Variants in GTF3C5 observed in about 807,000 individuals in gnomAD.
The protein encoded by GTF3C5 is general transcription factor IIIC subunit 5.
A neutral mutation model predicts 61.0 loss-of-function variants in GTF3C5; 47 were observed. The observed-to-expected ratio is 0.77, with a 90% CI of 0.61 to 0.98. The LOEUF (loss-of-function observed/expected upper bound fraction) is 0.98. GTF3C5 is among the 50% of genes least tolerant of loss of function. The probability of loss-of-function intolerance (pLI) is 0.00; values close to 1 mark genes in which losing one functional copy is unlikely to be tolerated. For missense variants in GTF3C5, 659 were observed against 703.3 expected (o/e 0.94, Z 0.71); for synonymous variants, 295 against 275.4 (o/e 1.07, Z -0.71).
At chr9:133,039,496 T>C (rs1849975071) in intron 1 of GTF3C5, among the ~76,000 whole-genome samples, 1 of 152,142 alleles carries the variant, frequency 6.6e-6, no homozygotes, top group Non-Finnish European at 1.5e-5. Flanking sequence ...CTCAACCTCC[T>C]AGGCTCGGGT....
In GTF3C5 at chr9:133,056,766, G is replaced by A; in HGVS notation, c.1251G>A (p.Glu417=). The A allele has an allele frequency of 6.3e-7, 1 of 1,599,244 alleles. No homozygotes were observed. The highest frequency in any genetic ancestry group is 1.1e-5 in the South Asian group (1 of 89,078). The change falls in exon 10 of 11, where the codon GAG becomes GAA. Residue 417 remains glutamate, a splice_region_variant and synonymous_variant. Transcript: ENST00000372097. Reference sequence around the variant, plus strand: ...GTCCCAACCCTCTCCCCACCCCCAGGTTGCAGAAGATCATTCACCGCAATG... The same window carrying A: ...GTCCCAACCCTCTCCCCACCCCCAGATTGCAGAAGATCATTCACCGCAATG... ...FYQLCDLNVE[E]LQKIIHRNDG...
intron 3 of GTF3C5, chr9:133,044,146 CAAAAA>C (rs34524914): frequency 0.027 from 2,945 of 108,324 alleles, 42 homozygotes; most frequent in African/African-American, 0.084. Flanking sequence ...CTTTGTCTCC[CAAAAA>C]AAAAAAAAAA....
intron 8 of GTF3C5, chr9:133,055,347 C>G (rs1457628527): frequency 7.4e-7 from 1 of 1,345,346 alleles, no homozygotes; most frequent in South Asian, 1.2e-5. Context: ...GAATCACCTG[C>G]TGAGGGAGTG....
chr9:133,054,147 T>G (rs758057290), intron 6 of GTF3C5, among the ~76,000 whole-genome samples: 8 of 152,256 alleles, frequency 5.3e-5, no homozygotes, highest in Non-Finnish European at 8.8e-5. Flanking sequence ...CGCCCGTTTC[T>G]GAACCACAGT....
chr9:133,053,037 G>A (rs1281142634), intron 5 of GTF3C5, among the ~76,000 whole-genome samples: 2 of 151,964 alleles, frequency 1.3e-5, no homozygotes, highest in East Asian at 1.9e-4. Flanking sequence ...ATGGGGTTTC[G>A]CCATGTTGGT....
chr9:133,044,165 A>AAAAAG, intron 3 of GTF3C5: 3 of 528,734 alleles, frequency 5.7e-6, no homozygotes, highest in Admixed American at 3.5e-5. Context: ...AAAAAAAAAA[A>AAAAAG]AAAAGAAAAT....
At chr9:133,030,769 G>A (rs1195089087), upstream of GTF3C5, 1 of 614,270 alleles carries the variant, frequency 1.6e-6, no homozygotes, top group African/African-American at 1.9e-5. Flanking sequence ...GCCCCGCCCG[G>A]TGGACTAACT....
rs751912315 is a variant in GTF3C5, at chr9:133,056,747, A to G, written c.1251-19A>G. 11 of 1,581,518 alleles carry G rather than the reference A, an allele frequency of 7.0e-6. No individual in the cohort carries two copies. Among genetic ancestry groups the G allele is most frequent in the African/African-American group, 6.8e-5 (5 of 73,780 alleles). ...ACCCGCCCTGGGACTTTATGTCCCA[A>G]CCCTCTCCCCACCCCCAGGTTGCAG... On this transcript the variant is annotated intron_variant, in intron 9 of 10. Coordinates refer to ENST00000372097, the MANE Select transcript of GTF3C5 (RefSeq NM_012087.4).
upstream of GTF3C5, chr9:133,030,781 G>A: frequency 3.1e-6 from 2 of 635,482 alleles, no homozygotes; most frequent in South Asian, 1.8e-5. Context: ...GGACTAACTC[G>A]CTTAATTTTA....
intron 1 of GTF3C5, among the ~76,000 whole-genome samples, chr9:133,032,797 C>A: frequency 6.6e-6 from 1 of 152,160 alleles, no homozygotes. Flanking sequence ...TTTCCACCTG[C>A]CGAACAATCT....
rs1029956800 is a variant in GTF3C5, at chr9:133,057,882, G to A, written c.1462G>A (p.Glu488Lys). Reference sequence around the variant, plus strand: ...GCTGACGTACGAGTCTGGGGAAGACGAGGAGGATGAGGAGGAGGAGGAAGA... The same window carrying A: ...GCTGACGTACGAGTCTGGGGAAGACAAGGAGGATGAGGAGGAGGAGGAAGA... ...EQLTYESGED[E>K]EDEEEEEEEE... Residue 488 changes from glutamate (E) to lysine (K), a missense_variant, in exon 11 of 11, where the codon GAG becomes AAG. Physicochemically the swap from Glu to Lys is moderately conservative, Grantham distance 56 (BLOSUM62 1). Coordinates refer to ENST00000372097, the MANE Select transcript of GTF3C5 (RefSeq NM_012087.4). 1.9e-6 allele frequency: 3 copies of A among 1,613,542 alleles called. No individual in the cohort carries two copies. Among genetic ancestry groups the A allele is most frequent in the Non-Finnish European group, 2.5e-6 (3 of 1,179,850 alleles).
At chr9:133,040,179 C>T (rs1039280339) in intron 1 of GTF3C5, among the ~76,000 whole-genome samples, 16 of 152,152 alleles carry the variant, frequency 1.1e-4, no homozygotes, top group African/African-American at 3.4e-4. Flanking sequence ...GCCAGGCCTA[C>T]GTTTGGGTTC....
intron 3 of GTF3C5, among the ~76,000 whole-genome samples, chr9:133,045,900 G>A (rs1850188232): frequency 6.6e-6 from 1 of 152,172 alleles, no homozygotes; most frequent in South Asian, 2.1e-4. Context: ...GCCTCCCAAG[G>A]TGCTGGGATT....
At chr9:133,048,584 G>T (rs182949849) in intron 3 of GTF3C5, among the ~76,000 whole-genome samples, 2 of 152,292 alleles carry the variant, frequency 1.3e-5, no homozygotes, top group South Asian at 4.1e-4. Context: ...CAGGAGAATC[G>T]CTTGAACCCA....
chr9:133,056,059 G>C lies in GTF3C5; in HGVS notation c.1215G>C (p.Gln405His), dbSNP rs1829927823. The stretch of plus-strand genomic sequence containing the variant: ...AAGGGGCCTTGCCACCCTATCGGCA[G>C]ATGTTCTACCAGTTATGCGACTTGA... ...FREGALPPYR[Q>H]MFYQLCDLNV... The change falls in exon 9 of 11, where the codon CAG (glutamine) becomes CAC (histidine). Residue 405 changes from glutamine (Q) to histidine (H), a missense_variant. Gln to His is a conservative substitution (Grantham distance 24). Transcript: ENST00000372097. 1 of 1,614,146 alleles carries C rather than the reference G, an allele frequency of 6.2e-7. No individual in the cohort carries two copies. The highest frequency in any genetic ancestry group is 2.2e-5 in the East Asian group (1 of 44,888).
Position 133,054,461 on chromosome 9 carries a change from A to G in GTF3C5, c.1042A>G (p.Ser348Gly). Residue 348 changes from serine to glycine, a missense_variant, in exon 7 of 11, where the codon AGC (serine) becomes GGC (glycine). Physicochemically the swap from Ser to Gly is moderately conservative, Grantham distance 56 (BLOSUM62 0). Coordinates refer to ENST00000372097, the MANE Select transcript of GTF3C5 (RefSeq NM_012087.4). ...VKAKRSTYNY[S>G]LPITVKKTSS... Reference sequence around the variant, plus strand: ...AGCAAAGCGCAGCACCTACAACTACAGCCTCCCCATCACCGTCAAGAAGAC... The same window carrying G: ...AGCAAAGCGCAGCACCTACAACTACGGCCTCCCCATCACCGTCAAGAAGAC... 1.2e-6 allele frequency: 2 copies of G among 1,614,142 alleles called. No homozygotes were observed. The highest frequency in any genetic ancestry group is 1.7e-6 in the Non-Finnish European group (2 of 1,179,998).
chr9:133,055,277 G>T (rs1339629170), intron 8 of GTF3C5: 2 of 1,429,668 alleles, frequency 1.4e-6, no homozygotes, highest in Non-Finnish European at 1.9e-6. Flanking sequence ...CCACATTCAG[G>T]CTCCCGCAAG....
upstream of GTF3C5, chr9:133,030,729 C>G (rs1279362315): frequency 3.6e-6 from 2 of 552,112 alleles, no homozygotes; most frequent in African/African-American, 1.9e-5. Context: ...CTCCGGGTCC[C>G]TCGCTGGCTA....
At chr9:133,055,945 G>C in intron 8 of GTF3C5, 67 bp from the exon 9 acceptor site, 1 of 1,605,436 alleles carries the variant, frequency 6.2e-7, no homozygotes, top group South Asian at 1.1e-5. Context: ...CCTACATGGA[G>C]TCTGCAACAC....
Sources: allele counts gnomAD v4.1 joint callset (sites outside exome capture counted in the v4.1 genomes callset), GRCh38; gene constraint gnomAD v4.1.1; transcripts MANE v1.5; gene names NCBI Gene and HGNC (gene_info 2026-07-23, HGNC 2026-07-21).